Variants in SUFU observed in about 807,000 individuals in gnomAD.
The protein encoded by SUFU is suppressor of fused homolog.
In SUFU, 7 loss-of-function variants were observed where a neutral mutation model predicts 58.9. The ratio of observed to expected loss-of-function variants is 0.12; its 90% confidence interval spans 0.07 to 0.22. SUFU has a LOEUF of 0.22. SUFU is among the 10% of genes least tolerant of loss of function. The pLI, the probability that SUFU is intolerant of heterozygous loss-of-function variation, is 1.00. For missense variants in SUFU, 451 were observed against 641.3 expected (o/e 0.70, Z 3.20); for synonymous variants, 232 against 254.8 (o/e 0.91, Z 0.85).
intron 2 of SUFU, among the ~76,000 whole-genome samples, chr10:102,512,234 G>C (rs1156706301): frequency 6.6e-6 from 1 of 152,154 alleles, no homozygotes; most frequent in Non-Finnish European, 1.5e-5. Context: ...GCCTGAATGG[G>C]GACCCAGCAT....
chr10:102,604,920 CT>C (rs769490548), intron 8 of SUFU, among the ~76,000 whole-genome samples: 33,662 of 85,986 alleles, frequency 0.39, 6,278 homozygotes, highest in East Asian at 0.59. Flanking sequence ...AAAATATTGC[CT>C]TTTTTTTTTT....
At chr10:102,513,021 T>C (rs2062420183) in intron 2 of SUFU, among the ~76,000 whole-genome samples, 1 of 151,974 alleles carries the variant, frequency 6.6e-6, no homozygotes, top group Non-Finnish European at 1.5e-5. Flanking sequence ...TAAGCCATAA[T>C]TGCACTACTG....
At chr10:102,540,194 C>A (rs982409577) in intron 2 of SUFU, among the ~76,000 whole-genome samples, 1 of 152,176 alleles carries the variant, frequency 6.6e-6, no homozygotes, top group South Asian at 2.1e-4. Context: ...TATATAGAAG[C>A]CATGATCCGG....
In SUFU at chr10:102,617,619, G is replaced by A. The variant is rs763471979; in HGVS notation, c.1296+191G>A. 1.0e-5 allele frequency: 7 copies of A among 699,712 alleles called. No homozygotes were observed. Among genetic ancestry groups the A allele is most frequent in the Middle Eastern group, 2.5e-4 (1 of 4,058 alleles). 43.3% of individuals were successfully genotyped at this position (699,712 alleles called of 1,614,324 possible). ...GCTGCTACCCACTCCAGCAGCTTAGGAGCACTTCCTGACCTTCTCCCCCTG... is the reference window on the plus strand; with the variant it reads ...GCTGCTACCCACTCCAGCAGCTTAGAAGCACTTCCTGACCTTCTCCCCCTG... On this transcript the variant is annotated intron_variant, in intron 10 of 11. Transcript: ENST00000369902. This position sits in a 1 kb window ranked among gnomAD's most constrained non-coding sequence, Gnocchi z 4.4.
intron 3 of SUFU, among the ~76,000 whole-genome samples, chr10:102,559,299 G>A (rs934158376): frequency 6.6e-6 from 1 of 152,210 alleles, no homozygotes; most frequent in Admixed American, 6.5e-5. Flanking sequence ...GGAATGGCCA[G>A]GAAAAGGCAG....
intron 2 of SUFU, among the ~76,000 whole-genome samples, chr10:102,513,631 G>A (rs2062428053): frequency 6.6e-6 from 1 of 152,228 alleles, no homozygotes; most frequent in South Asian, 2.1e-4. Flanking sequence ...AACTTCTAGT[G>A]AGGCTGCTGA....
At chr10:102,548,119 A>G (rs2135738726) in intron 2 of SUFU, among the ~76,000 whole-genome samples, 1 of 152,290 alleles carries the variant, frequency 6.6e-6, no homozygotes, top group African/African-American at 2.4e-5. Flanking sequence ...ACGCCACTGC[A>G]CTCCAGCCTG....
Position 102,563,978 on chromosome 10 carries a change from A to G in SUFU, c.454+13872A>G, listed in dbSNP as rs544502979. Reference sequence around the variant, plus strand: ...CAGAATCCTGTCTCAAGCCTGCTCTATCCTGAGGCTCTCCAGCCTAAGAAG... The same window carrying G: ...CAGAATCCTGTCTCAAGCCTGCTCTGTCCTGAGGCTCTCCAGCCTAAGAAG... On this transcript the variant is annotated intron_variant, in intron 3 of 11. Coordinates refer to ENST00000369902, the MANE Select transcript of SUFU (RefSeq NM_016169.4). 1.0e-3 allele frequency among the ~76,000 whole-genome samples: 156 copies of G among 152,238 alleles called. 2 individuals are homozygous for G. The South Asian group carries it at 0.021, about 20-fold the overall frequency.
chr10:102,630,651 T>A lies in SUFU; in HGVS notation c.*496T>A, dbSNP rs1030479170. The A allele has an allele frequency of 6.7e-6, 2 of 299,140 alleles. No individual in the cohort carries two copies. Among genetic ancestry groups the A allele is most frequent in the Admixed American group, 4.6e-5 (1 of 21,776 alleles). The allele number at this position is 299,140 out of a possible 1,614,324, so 18.5% of individuals were successfully genotyped here. On this transcript the variant is annotated 3_prime_UTR_variant, in exon 12 of 12. Coordinates refer to ENST00000369902, the MANE Select transcript of SUFU (RefSeq NM_016169.4). Reference sequence around the variant, plus strand: ...CTCTGATCATGTTTGGTTTTCTTCTTCCTTATTTTATTTTGTAGAAACCGG... The same window carrying A: ...CTCTGATCATGTTTGGTTTTCTTCTACCTTATTTTATTTTGTAGAAACCGG...
intron 3 of SUFU, chr10:102,573,066 A>T: frequency 1.2e-6 from 1 of 801,150 alleles, no homozygotes; most frequent in Admixed American, 1.7e-5. Flanking sequence ...TGCCTCCAGA[A>T]TCGCAGTGTC....
rs954265604 is a variant in SUFU, at chr10:102,627,299, G to A, written c.1365+56G>A. 9 of 1,482,790 alleles carry A rather than the reference G, an allele frequency of 6.1e-6. No homozygotes were observed. In the Admixed American group the frequency reaches 1.5e-4, roughly 25 times the overall value. 91.9% of individuals were successfully genotyped at this position (1,482,790 alleles called of 1,614,324 possible). On this transcript the variant is annotated intron_variant, in intron 11 of 11. Transcript: ENST00000369902. ...GTCCCGTCTCTGGGACCATGTGTGT[G>A]CGTGCGTGTGCACGTCTGTGCATGC...
chr10:102,563,970 C>T (rs1355782990), intron 3 of SUFU, among the ~76,000 whole-genome samples: 2 of 152,152 alleles, frequency 1.3e-5, no homozygotes, highest in African/African-American at 4.8e-5. Context: ...CTGTCTCAAG[C>T]CTGCTCTATC....
chr10:102,593,716 G>A lies in SUFU; in HGVS notation c.678G>A (p.Val226=), dbSNP rs201328407. ...GCATCCTGGAGCTGCTGCGGACAGTGCCTATGTGAGTACCCATGCAAGGTG... is the reference window on the plus strand; with the variant it reads ...GCATCCTGGAGCTGCTGCGGACAGTACCTATGTGAGTACCCATGCAAGGTG... ...GQGILELLRT[V]PIAGGPWLIT... is the part of the protein sequence containing the mutation. Residue 226 remains valine (V), a synonymous_variant, in exon 5 of 12, where the codon GTG becomes GTA. Transcript: ENST00000369902. 4.3e-6 allele frequency: 7 copies of A among 1,614,178 alleles called. No homozygotes were observed. In the East Asian group the frequency reaches 1.3e-4, roughly 31 times the overall value.
intron 3 of SUFU, among the ~76,000 whole-genome samples, chr10:102,576,573 AC>A (rs1159821942): frequency 6.6e-6 from 1 of 152,118 alleles, no homozygotes; most frequent in Non-Finnish European, 1.5e-5. Flanking sequence ...CCTCCTTGTG[AC>A]ATGTTTTGCT....
chr10:102,536,007 C>T (rs1468996136), intron 2 of SUFU, among the ~76,000 whole-genome samples: 3 of 152,040 alleles, frequency 2.0e-5, no homozygotes, highest in South Asian at 4.2e-4. Flanking sequence ...TGCTCTGTCT[C>T]GCTTCGGTTA....
At chr10:102,583,861 C>T (rs1312061377) in intron 3 of SUFU, among the ~76,000 whole-genome samples, 2 of 152,132 alleles carry the variant, frequency 1.3e-5, no homozygotes, top group African/African-American at 2.4e-5. Context: ...CCCCCCTCTC[C>T]CCACCCCACA....
intron 8 of SUFU, among the ~76,000 whole-genome samples, chr10:102,613,173 AAG>A (rs1280205493): frequency 1.3e-5 from 2 of 152,228 alleles, no homozygotes; most frequent in East Asian, 3.8e-4. Context: ...TTGTAAAGGA[AAG>A]AGGGAGATTA....
intron 2 of SUFU, among the ~76,000 whole-genome samples, chr10:102,545,335 T>C (rs575607282): frequency 2.8e-5 from 4 of 145,138 alleles, no homozygotes; most frequent in African/African-American, 5.1e-5. Flanking sequence ...GGTTTGGCCA[T>C]GTTGCCTAAG....
chr10:102,579,286 A>T (rs2063248195), intron 3 of SUFU, among the ~76,000 whole-genome samples: 1 of 152,172 alleles, frequency 6.6e-6, no homozygotes, highest in Non-Finnish European at 1.5e-5. Context: ...CCATGTGGGC[A>T]CAGGGTGAGT....
Sources: gnomAD v4.1 joint callset for allele counts (sites outside exome capture counted in the v4.1 genomes callset) on GRCh38, gnomAD v4.1.1 for gene constraint, Gnocchi (gnomAD v3.1) non-coding constraint, MANE v1.5 for transcripts, NCBI Gene and HGNC (gene_info 2026-07-23, HGNC 2026-07-21) for gene names.